ATG2B: variants seen among roughly 807,000 people sequenced by gnomAD.
ATG2B encodes the protein autophagy-related protein 2 homolog B.
Under a neutral mutation model 241.3 loss-of-function variants are expected in ATG2B, and 121 were observed. The observed-to-expected ratio is 0.50, with a 90% CI of 0.43 to 0.58. The LOEUF (loss-of-function observed/expected upper bound fraction) is 0.58. Ranked by LOEUF, ATG2B falls within the 20% of genes least tolerant of loss-of-function variation. ATG2B has a pLI of 0.00. For synonymous variants in ATG2B, 858 were observed against 876.6 expected, an observed-to-expected ratio of 0.98 and a Z score of 0.37; for missense variants, 2,306 against 2,491.6, an observed-to-expected ratio of 0.93 and a Z score of 1.59.
intron 1 of ATG2B, among the ~76,000 whole-genome samples, chr14:96,357,344 G>A (rs967319875): frequency 2.6e-5 from 4 of 151,662 alleles, no homozygotes; most frequent in African/African-American, 7.3e-5. Context: ...TACTACCCAC[G>A]CACTTTGTGC....
chr14:96,308,253 CACACATATATATATAT>C (rs1164842314), intron 29 of ATG2B, among the ~76,000 whole-genome samples: 1 of 36,428 alleles, frequency 2.7e-5, no homozygotes, highest in Non-Finnish European at 4.3e-5. Flanking sequence ...TATATATATA[CACACATATATATATAT>C]ATATATATAT....
rs771190105 is a variant in ATG2B, at chr14:96,345,279, G to C, written c.432C>G (p.Ser144=). 5.0e-6 allele frequency: 8 copies of C among 1,613,202 alleles called. No individual in the cohort carries two copies. The Admixed American group carries it at 1.3e-4, about 27-fold the overall frequency. ...ACTTTTCAAGTCCTTCAAAAGGCTG[G>C]GATCCTTCTCCTTGTTCATCTGTTA... ...QKLTDEQGEG[S]QPFEGLEKFA... is the part of the protein sequence containing the mutation. The change falls in exon 3 of 42, where the codon TCC becomes TCG. Residue 144 remains serine, a synonymous_variant. Transcript: ENST00000359933.
chr14:96,315,675 C>T (rs1887291529), intron 21 of ATG2B, 92 bp from the exon 22 acceptor site: 3 of 927,346 alleles, frequency 3.2e-6, no homozygotes, highest in Non-Finnish European at 5.0e-6. Flanking sequence ...AATCCACGTA[C>T]TTCCACTGAA....
Position 96,344,005 on chromosome 14 carries a change from C to T in ATG2B, c.581+649G>A, listed in dbSNP as rs547349776. On this transcript the variant is annotated intron_variant, in intron 4 of 41. Coordinates refer to ENST00000359933, the MANE Select transcript of ATG2B (RefSeq NM_018036.7). ...CATGCAGTGTACACGCTTCATCCTG[C>T]TCATTTCTGTTGGCAGTTCATACAG... 2.0e-5 allele frequency among the ~76,000 whole-genome samples: 3 copies of T among 152,370 alleles called. No homozygotes were observed. The South Asian group carries it at 6.2e-4, about 32-fold the overall frequency.
At chr14:96,302,929 C>A in intron 33 of ATG2B, 132 bp downstream of exon 33, 1 of 697,892 alleles carries the variant, frequency 1.4e-6, no homozygotes, top group Non-Finnish European at 2.2e-6. Flanking sequence ...GCAATACATT[C>A]AAAAGGGACT....
chr14:96,316,945 G>T (rs920660903), intron 20 of ATG2B, among the ~76,000 whole-genome samples, 200 bp downstream of exon 20: 10 of 152,158 alleles, frequency 6.6e-5, no homozygotes, highest in African/African-American at 2.4e-4. Flanking sequence ...TCCAAAGGGA[G>T]AGCCCCACAA....
At chr14:96,333,666 G>A (rs1566729214) in intron 8 of ATG2B, 22 bp downstream of exon 8, 2 of 1,605,192 alleles carry the variant, frequency 1.2e-6, no homozygotes, top group Non-Finnish European at 8.5e-7. Flanking sequence ...TGATTCTGGT[G>A]TCAACAGTTT....
chr14:96,286,978 G>A (rs1413119807), intron 41 of ATG2B, among the ~76,000 whole-genome samples: 2 of 152,028 alleles, frequency 1.3e-5, no homozygotes, highest in African/African-American at 2.4e-5. Context: ...CCAGAAGGCC[G>A]GGCGCGGTGG....
chr14:96,346,055 A>G (rs1264052144), intron 2 of ATG2B, among the ~76,000 whole-genome samples: 1 of 152,196 alleles, frequency 6.6e-6, no homozygotes, highest in Non-Finnish European at 1.5e-5. Flanking sequence ...AAACATTATG[A>G]AAGCTAAAAG....
chr14:96,343,671 T>C (rs1888102080), intron 4 of ATG2B, among the ~76,000 whole-genome samples: 1 of 152,212 alleles, frequency 6.6e-6, no homozygotes, highest in South Asian at 2.1e-4. Flanking sequence ...ACAATTCCTG[T>C]ACTCCCCCAC....
At chr14:96,297,632 C>T (rs1286083736) in intron 34 of ATG2B, among the ~76,000 whole-genome samples, 2 of 152,164 alleles carry the variant, frequency 1.3e-5, no homozygotes, top group East Asian at 1.9e-4. Context: ...CCCCTGACCT[C>T]GTGATCCACC....
intron 6 of ATG2B, among the ~76,000 whole-genome samples, chr14:96,335,941 GTACT>G (rs1347164871): frequency 6.6e-6 from 1 of 151,968 alleles, no homozygotes; most frequent in African/African-American, 2.4e-5. Flanking sequence ...AAAGAACAAA[GTACT>G]TACTACTTTC....
chr14:96,331,033 A>G (rs1486833809), intron 11 of ATG2B, among the ~76,000 whole-genome samples: 1 of 152,238 alleles, frequency 6.6e-6, no homozygotes, highest in African/African-American at 2.4e-5. Context: ...GCCAGTGACA[A>G]TAAGAACTGT....
intron 3 of ATG2B, 109 bp downstream of exon 3, chr14:96,345,124 C>CT (rs1272736292): frequency 1.3e-6 from 1 of 773,730 alleles, no homozygotes; most frequent in Non-Finnish European, 2.0e-6. Context: ...AACAGTAATT[C>CT]TTTTAAAAAT....
At chr14:96,341,731 A>G (rs1451231907) in intron 5 of ATG2B, 30 bp from the exon 6 acceptor site, 1 of 1,424,908 alleles carries the variant, frequency 7.0e-7, no homozygotes, top group Admixed American at 2.3e-5. Flanking sequence ...ATAATTATTT[A>G]AAATACTTTC....
chr14:96,332,672 T>C lies in ATG2B; in HGVS notation c.1208-17A>G. On this transcript the variant is annotated splice_polypyrimidine_tract_variant and intron_variant, in intron 8 of 41. Coordinates refer to ENST00000359933, the MANE Select transcript of ATG2B (RefSeq NM_018036.7). ...CTTCTTCTTCTAGAGAGAATTAAAC[T>C]ATGTCACTTGTATTATAATCCCACC... 2.0e-6 allele frequency: 3 copies of C among 1,529,152 alleles called. No homozygotes were observed. Among genetic ancestry groups the C allele is most frequent in the Admixed American group, 4.5e-5 (2 of 44,284 alleles). 94.7% of individuals were successfully genotyped at this position (1,529,152 alleles called of 1,614,324 possible). A position where few individuals can be genotyped will look rare whatever the true frequency, so the allele number is the denominator to read the frequency against.
At chr14:96,357,005 C>T (rs1038080682) in intron 1 of ATG2B, among the ~76,000 whole-genome samples, 1 of 152,118 alleles carries the variant, frequency 6.6e-6, no homozygotes, top group African/African-American at 2.4e-5. Flanking sequence ...CCATGTTCCC[C>T]CTAGCCATCA....
rs940772622 is a variant in ATG2B at position 96,282,168 on chromosome 14, CTTCA to C, written c.*3583_*3586del. On this transcript the variant is annotated 3_prime_UTR_variant, in exon 42 of 42. Transcript: ENST00000359933. Reference sequence around the variant, plus strand: ...TCCTGCAATGAAAAAGAAATTTTTCCTTCATTATCTATAAACTATACAAATAACC... The same window carrying C: ...TCCTGCAATGAAAAAGAAATTTTTCCTTATCTATAAACTATACAAATAACC... The C allele has an allele frequency of 2.9e-4, 44 of 152,150 alleles. No individual in the cohort carries two copies. The highest frequency in any genetic ancestry group is 9.9e-4 in the African/African-American group (41 of 41,438). The allele number at this position is 152,150 out of a possible 1,614,324, so 9.4% of individuals were successfully genotyped here.
chr14:96,286,119 A>T lies in ATG2B; in HGVS notation c.6007-134T>A, dbSNP rs930696795. ...TTGTAACCAGACAAAAAAAAATGCC[A>T]TGCTTTTAGATAAACCAGGATTATT... On this transcript the variant is annotated intron_variant, in intron 41 of 41. Transcript: ENST00000359933. The T allele has an allele frequency of 1.7e-4, 108 of 619,690 alleles. No individual in the cohort carries two copies. In the African/African-American group the frequency reaches 1.9e-3, roughly 11 times the overall value. 38.4% of individuals were successfully genotyped at this position (619,690 alleles called of 1,614,324 possible).
Sources: allele counts gnomAD v4.1 joint callset (sites outside exome capture counted in the v4.1 genomes callset), GRCh38; gene constraint gnomAD v4.1.1; transcripts MANE v1.5; gene names NCBI Gene and HGNC (gene_info 2026-07-23, HGNC 2026-07-21).